CRIM1: variants seen among roughly 807,000 people sequenced by gnomAD.
The protein encoded by CRIM1 is cysteine rich transmembrane BMP regulator 1.
CRIM1 carries 32 observed loss-of-function variants against 116.4 expected under a neutral mutation model. The observed-to-expected ratio is 0.27, with a 90% CI of 0.21 to 0.37. The LOEUF (loss-of-function observed/expected upper bound fraction) is 0.37. Ranked by LOEUF, CRIM1 falls within the 10% of genes least tolerant of loss-of-function variation. The pLI, the probability that CRIM1 is intolerant of heterozygous loss-of-function variation, is 1.00. For synonymous variants in CRIM1, 590 were observed against 509.2 expected (o/e 1.16, Z -2.13); for missense variants, 1,331 against 1,354.8 (o/e 0.98, Z 0.28).
chr2:36,396,426 T>G (rs1181999202), intron 1 of CRIM1, among the ~76,000 whole-genome samples, 188 bp from the exon 2 acceptor site: 1 of 152,238 alleles, frequency 6.6e-6, no homozygotes, highest in Non-Finnish European at 1.5e-5. Flanking sequence ...GGCTATTATT[T>G]CACTTTTTTC....
chr2:36,371,329 G>C (rs949121821), intron 1 of CRIM1, among the ~76,000 whole-genome samples: 1 of 151,872 alleles, frequency 6.6e-6, no homozygotes, highest in African/African-American at 2.4e-5. Flanking sequence ...TACTGTGTTA[G>C]AGTTCACATT....
intron 7 of CRIM1, among the ~76,000 whole-genome samples, chr2:36,491,791 C>T (rs912903320): frequency 7.9e-5 from 12 of 152,150 alleles, no homozygotes; most frequent in Non-Finnish European, 1.6e-4. Context: ...AAAATAGCTA[C>T]TTAAATGTGC....
intron 4 of CRIM1, among the ~76,000 whole-genome samples, chr2:36,461,369 A>G (rs1368723835): frequency 6.6e-6 from 1 of 152,164 alleles, no homozygotes; most frequent in Non-Finnish European, 1.5e-5. Flanking sequence ...AGGGAGGGAA[A>G]GATTAGGGAG....
chr2:36,428,128 A>G (rs1674600596), intron 2 of CRIM1, among the ~76,000 whole-genome samples: 1 of 152,258 alleles, frequency 6.6e-6, no homozygotes, highest in African/African-American at 2.4e-5. Context: ...TCAGTGTAAG[A>G]TGCAGACTAC....
chr2:36,548,920 A>G lies in CRIM1; in HGVS notation c.*219A>G, dbSNP rs1348196364. 2 of 343,688 alleles carry G rather than the reference A, an allele frequency of 5.8e-6. No homozygotes were observed. Among genetic ancestry groups the G allele is most frequent in the Non-Finnish European group, 1.0e-5 (2 of 190,822 alleles). 21.3% of individuals were successfully genotyped at this position (343,688 alleles called of 1,614,324 possible). ...ACTGACCAAGTGTTTTCTTAGAACCAAAGTTTTTAAAGTTGCTAAGATATA... is the reference window on the plus strand; with the variant it reads ...ACTGACCAAGTGTTTTCTTAGAACCGAAGTTTTTAAAGTTGCTAAGATATA... On this transcript the variant is annotated 3_prime_UTR_variant, in exon 17 of 17. Coordinates refer to ENST00000280527, the MANE Select transcript of CRIM1 (RefSeq NM_016441.3).
chr2:36,461,386 A>C (rs1558328498), intron 4 of CRIM1, among the ~76,000 whole-genome samples: 1 of 152,194 alleles, frequency 6.6e-6, no homozygotes, highest in Non-Finnish European at 1.5e-5. Flanking sequence ...GGAGGACAAA[A>C]AGAATTAAAA....
intron 12 of CRIM1, among the ~76,000 whole-genome samples, chr2:36,521,272 A>G (rs1408836226): frequency 6.6e-6 from 1 of 151,940 alleles, no homozygotes; most frequent in Non-Finnish European, 1.5e-5. Flanking sequence ...GATGATTTGC[A>G]CATGATTTCT....
intron 7 of CRIM1, among the ~76,000 whole-genome samples, chr2:36,481,927 A>C (rs1679450818): frequency 6.6e-6 from 1 of 152,148 alleles, no homozygotes; most frequent in Non-Finnish European, 1.5e-5. Flanking sequence ...CAAGGGAGGA[A>C]ATCATTTTGC....
intron 1 of CRIM1, among the ~76,000 whole-genome samples, chr2:36,381,678 T>A (rs932013582): frequency 6.6e-6 from 1 of 152,126 alleles, no homozygotes; most frequent in Non-Finnish European, 1.5e-5. Context: ...TCCCAGCTAC[T>A]CAGGAGGCTG....
At chr2:36,534,765 T>C (rs1015156465) in intron 13 of CRIM1, among the ~76,000 whole-genome samples, 2 of 151,336 alleles carry the variant, frequency 1.3e-5, no homozygotes, top group Non-Finnish European at 2.9e-5. Context: ...AAAAAGAATA[T>C]AGACAGTATA....
intron 7 of CRIM1, among the ~76,000 whole-genome samples, chr2:36,488,459 C>G (rs1679992714): frequency 6.6e-6 from 1 of 152,160 alleles, no homozygotes; most frequent in Non-Finnish European, 1.5e-5. Context: ...GGGGACTCAG[C>G]AAAGCCAGAT....
intron 2 of CRIM1, among the ~76,000 whole-genome samples, chr2:36,417,940 G>C (rs190163623): frequency 1.7e-4 from 26 of 152,322 alleles, no homozygotes; most frequent in African/African-American, 6.0e-4. Flanking sequence ...TCAGTAAATG[G>C]AGAAGAAAGG....
At chr2:36,479,200 A>T (rs1341044189) in intron 6 of CRIM1, among the ~76,000 whole-genome samples, 1 of 152,240 alleles carries the variant, frequency 6.6e-6, no homozygotes, top group East Asian at 1.9e-4. Context: ...ACCAACCCAC[A>T]GCTCTTGCCA....
intron 1 of CRIM1, among the ~76,000 whole-genome samples, chr2:36,371,629 T>C (rs1171477473): frequency 6.6e-6 from 1 of 152,270 alleles, no homozygotes; most frequent in Non-Finnish European, 1.5e-5. Flanking sequence ...TTTTTTGTAA[T>C]GTTTCCATGA....
chr2:36,505,114 T>A (rs532360326), intron 8 of CRIM1, among the ~76,000 whole-genome samples: 24 of 152,332 alleles, frequency 1.6e-4, no homozygotes, highest in African/African-American at 5.5e-4. Flanking sequence ...AATTCTAAAC[T>A]AACACCTATC....
rs1274016276 is a variant in CRIM1 at position 36,479,556 on chromosome 2, C to G, written c.1234C>G (p.His412Asp). The G allele has an allele frequency of 2.5e-6, 4 of 1,614,218 alleles. No homozygotes were observed. Among genetic ancestry groups the G allele is most frequent in the Non-Finnish European group, 3.4e-6 (4 of 1,180,032 alleles). The change falls in exon 7 of 17, where the codon CAC becomes GAC. Residue 412 changes from histidine (H) to aspartate (D), a missense_variant. Coordinates refer to ENST00000280527, the MANE Select transcript of CRIM1 (RefSeq NM_016441.3). ...CTATGCCAATGGCCTGATCCTTGCC[C>G]ACGGAGACCGGTGGCGGGAAGACGA... The part of the protein sequence containing the change: ...GCYANGLILA[H>D]GDRWREDDCT...
intron 1 of CRIM1, among the ~76,000 whole-genome samples, chr2:36,357,533 C>T (rs1414199571): frequency 6.6e-6 from 1 of 152,244 alleles, no homozygotes; most frequent in African/African-American, 2.4e-5. Context: ...TGCGTGTTGG[C>T]TTTAATCCCT....
At chr2:36,505,342 T>G (rs1681316415) in intron 8 of CRIM1, among the ~76,000 whole-genome samples, 1 of 151,870 alleles carries the variant, frequency 6.6e-6, no homozygotes, top group Non-Finnish European at 1.5e-5. Flanking sequence ...TACCAGAGGC[T>G]AATTGATATA....
chr2:36,540,771 G>A (rs76651469), intron 14 of CRIM1, among the ~76,000 whole-genome samples: 1,807 of 152,268 alleles, frequency 0.012, 38 homozygotes, highest in African/African-American at 0.041. Flanking sequence ...GAGACCAGAG[G>A]CCAGGACAGC....
Sources: allele counts gnomAD v4.1 joint callset (sites outside exome capture counted in the v4.1 genomes callset), GRCh38; gene constraint gnomAD v4.1.1; transcripts MANE v1.5; gene names NCBI Gene and HGNC (gene_info 2026-07-23, HGNC 2026-07-21).